The following LRRC9 variants were observed in gnomAD, a reference collection of about 807,000 sequenced individuals.
LRRC9 encodes leucine rich repeat containing 9.
A neutral mutation model predicts 63.2 loss-of-function variants in LRRC9; 122 were observed. The ratio of observed to expected loss-of-function variants is 1.93; its 90% CI spans 1.67 to 2.24. The LOEUF is 2.24. Ranked by LOEUF, LRRC9 falls within the 30% of genes most tolerant of loss-of-function variation. The probability of loss-of-function intolerance (pLI) is 0.00; values close to 1 mark genes in which losing one functional copy is unlikely to be tolerated. For synonymous variants in LRRC9, 366 were observed against 213.1 expected (o/e 1.72, Z -6.25); for missense variants, 1,071 against 627.7 (o/e 1.71, Z -7.55).
chr14:59,958,411 C>A lies in LRRC9; in HGVS notation c.883-1407C>A, dbSNP rs1884007829. On this transcript the variant is annotated intron_variant, in intron 8 of 31. Transcript: ENST00000445360. This position sits in a 1 kb window ranked among gnomAD's most constrained non-coding sequence, Gnocchi z 4.0. ...TGCCACCGGGCCCAGACCTCCCAAA[C>A]TCCTTAGCACTGTCAGGGAAAAACC... Among the ~76,000 whole-genome samples the A allele has an allele frequency of 6.6e-6, 1 of 152,164 alleles. No homozygotes were observed. The highest frequency in any genetic ancestry group is 2.1e-4 in the South Asian group (1 of 4,822).
At chr14:59,953,122 T>C (rs371930606) in intron 8 of LRRC9, among the ~76,000 whole-genome samples, 15 of 152,250 alleles carry the variant, frequency 9.9e-5, no homozygotes, top group African/African-American at 3.6e-4. Context: ...TAAACATACA[T>C]GTGCATGTGT....
In LRRC9 at chr14:60,027,729, A is replaced by AAATT. The variant is rs1460183012; in HGVS notation, c.3704-153_3704-150dup. 6.6e-6 allele frequency among the ~76,000 whole-genome samples: 1 copy of AAATT among 152,112 alleles called. No homozygotes were observed. The highest frequency in any genetic ancestry group is 1.5e-5 in the Non-Finnish European group (1 of 68,002). On this transcript the variant is annotated intron_variant, in intron 27 of 31. Coordinates refer to ENST00000445360, the Ensembl canonical transcript of LRRC9. The surrounding 1 kb of genome is among the most constrained non-coding windows in gnomAD (Gnocchi z 4.0). Reference sequence around the variant, plus strand: ...TTTTATGATGATGCTACCTTCCTGTAAATTACATTTCAATTTCTCTTTGGA... The same window carrying AAATT: ...TTTTATGATGATGCTACCTTCCTGTAAATTAATTACATTTCAATTTCTCTTTGGA...
At chr14:60,038,735 T>G (rs1205653404) in intron 29 of LRRC9, among the ~76,000 whole-genome samples, 1 of 152,184 alleles carries the variant, frequency 6.6e-6, no homozygotes, top group African/African-American at 2.4e-5. Context: ...GACTTCCTCT[T>G]TTCCTAACTG....
chr14:59,944,866 T>TCACACA (rs3069510), intron 8 of LRRC9, 122 bp downstream of exon 8: 4 of 383,528 alleles, frequency 1.0e-5, no homozygotes, highest in South Asian at 1.7e-4. Context: ...ACACACACAC[T>TCACACA]CACACACACA....
At chr14:60,012,069 T>A (rs1375910411) in intron 23 of LRRC9, among the ~76,000 whole-genome samples, 1 of 152,204 alleles carries the variant, frequency 6.6e-6, no homozygotes, top group Non-Finnish European at 1.5e-5. Context: ...GAGGCTCTAA[T>A]ACTTTCATTT....
At chr14:60,041,468 A>C (rs2140377270) in intron 29 of LRRC9, among the ~76,000 whole-genome samples, 2 of 150,380 alleles carry the variant, frequency 1.3e-5, no homozygotes, top group South Asian at 4.2e-4. Flanking sequence ...TTTACTCTAA[A>C]CTTCTCACTT....
intron 16 of LRRC9, among the ~76,000 whole-genome samples, chr14:59,983,152 C>T (rs1887109529): frequency 6.6e-6 from 1 of 152,188 alleles, no homozygotes; most frequent in Non-Finnish European, 1.5e-5. Context: ...ACTCTCTGTA[C>T]TCTACTATTG....
chr14:59,968,571 T>C (rs774620285), intron 12 of LRRC9, among the ~76,000 whole-genome samples: 4 of 152,168 alleles, frequency 2.6e-5, no homozygotes, highest in Non-Finnish European at 2.9e-5. Flanking sequence ...GCTCAGGCCA[T>C]AGAGGTTGGT....
intron 29 of LRRC9, among the ~76,000 whole-genome samples, chr14:60,045,438 C>G (rs1893337214): frequency 6.6e-6 from 1 of 152,132 alleles, no homozygotes; most frequent in South Asian, 2.1e-4. Context: ...ACTCCCACCC[C>G]TGACTGGCCC....
At chr14:59,939,036 CAT>C (rs1226007658) in intron 7 of LRRC9, among the ~76,000 whole-genome samples, 2 of 145,890 alleles carry the variant, frequency 1.4e-5, no homozygotes, top group Non-Finnish European at 3.0e-5. Context: ...CATATATACA[CAT>C]ATATACATAT....
intron 1 of LRRC9, among the ~76,000 whole-genome samples, chr14:59,925,757 T>A (rs1022671791): frequency 4.6e-5 from 7 of 152,170 alleles, no homozygotes; most frequent in Non-Finnish European, 1.0e-4. Flanking sequence ...ATTTGAAGAT[T>A]TTTTAGAATT....
intron 23 of LRRC9, among the ~76,000 whole-genome samples, chr14:60,013,642 C>T (rs770701969): frequency 2.6e-5 from 4 of 151,804 alleles, no homozygotes; most frequent in Non-Finnish European, 5.9e-5. Flanking sequence ...GTGGACTGAC[C>T]GTTTTATCAG....
chr14:60,020,771 G>T (rs1289701983), intron 26 of LRRC9, among the ~76,000 whole-genome samples: 1 of 151,818 alleles, frequency 6.6e-6, no homozygotes, highest in Non-Finnish European at 1.5e-5. Flanking sequence ...TGTTTTCAAG[G>T]TTCATTCACA....
At chr14:60,009,276 A>C (rs1284775910) in intron 23 of LRRC9, among the ~76,000 whole-genome samples, 1 of 152,236 alleles carries the variant, frequency 6.6e-6, no homozygotes, top group African/African-American at 2.4e-5. Flanking sequence ...CAATTTATAA[A>C]GGAAAGAGGT....
exon 19 of LRRC9, chr14:59,999,207 C>G (rs1889117460): frequency 1.4e-6 from 1 of 700,766 alleles, no homozygotes; most frequent in East Asian, 2.7e-5. Flanking sequence ...AAATTTATTG[C>G]AGGAACAAGG....
At chr14:59,926,660 C>T (rs1029317690) in intron 1 of LRRC9, among the ~76,000 whole-genome samples, 1 of 152,128 alleles carries the variant, frequency 6.6e-6, no homozygotes, top group African/African-American at 2.4e-5. Flanking sequence ...ACTTCTAACA[C>T]TACAGTTTGT....
chr14:60,035,813 T>C (rs532607047), intron 29 of LRRC9, among the ~76,000 whole-genome samples: 3 of 152,372 alleles, frequency 2.0e-5, no homozygotes, highest in Middle Eastern at 3.4e-3. Context: ...AGGATTGCTT[T>C]GGCTATTCGG....
intron 22 of LRRC9, among the ~76,000 whole-genome samples, chr14:60,007,640 A>G (rs1889920984): frequency 6.6e-6 from 1 of 152,208 alleles, no homozygotes. Context: ...AACATAGTGA[A>G]GTTCCCTCTA....
chr14:60,058,823 T>A lies in LRRC9; in HGVS notation c.4276+801T>A, dbSNP rs142420556. On this transcript the variant is annotated intron_variant, in intron 31 of 31. Transcript: ENST00000445360. The surrounding 1 kb of genome is among the most constrained non-coding windows in gnomAD (Gnocchi z 4.4). ...AGTAGACTGTTCCATGTGATTAAAG[T>A]TTTTTAAAGAAACCCACTGAAAAAC... Among the ~76,000 whole-genome samples the A allele has an allele frequency of 1.2e-4, 18 of 152,254 alleles. No individual in the cohort carries two copies. The highest frequency in any genetic ancestry group is 1.1e-3 in the Admixed American group (17 of 15,290).
Sources: gnomAD v4.1 joint callset for allele counts (sites outside exome capture counted in the v4.1 genomes callset) on GRCh38, gnomAD v4.1.1 for gene constraint, Gnocchi (gnomAD v3.1) non-coding constraint, MANE v1.5 for transcripts, NCBI Gene and HGNC (gene_info 2026-07-23, HGNC 2026-07-21) for gene names.